The following RBMS3 variants were observed in gnomAD, a reference collection of about 807,000 sequenced individuals.
The protein encoded by RBMS3 is RNA-binding motif, single-stranded-interacting protein 3.
A neutral mutation model predicts 66.8 loss-of-function variants in RBMS3; 27 were observed. That is an observed-to-expected ratio of 0.40 (90% CI 0.30 to 0.56). The LOEUF is 0.56. RBMS3 is among the 20% of genes least tolerant of loss of function. The pLI, the probability that RBMS3 is intolerant of heterozygous loss-of-function variation, is 0.40. For synonymous variants in RBMS3, 188 were observed against 183.0 expected, an observed-to-expected ratio of 1.03 and a Z score of -0.22; for missense variants, 513 against 549.5, an observed-to-expected ratio of 0.93 and a Z score of 0.66.
At chr3:29,562,240 T>C (rs939433932) in intron 3 of RBMS3, among the ~76,000 whole-genome samples, 5 of 152,080 alleles carry the variant, frequency 3.3e-5, no homozygotes, top group Non-Finnish European at 5.9e-5. Context: ...TAAACTGATA[T>C]AAGCATGAGC....
intron 12 of RBMS3, among the ~76,000 whole-genome samples, chr3:29,984,508 T>A (rs1698230722): frequency 6.6e-6 from 1 of 152,046 alleles, no homozygotes; most frequent in Admixed American, 6.5e-5. Flanking sequence ...GTTTTTGGAA[T>A]TTTCAGCCTT....
chr3:29,508,848 C>A (rs953692683), intron 3 of RBMS3, among the ~76,000 whole-genome samples: 8 of 141,308 alleles, frequency 5.7e-5, no homozygotes, highest in African/African-American at 1.3e-4. Context: ...TCTCCACATC[C>A]TCTCCAGCAT....
chr3:29,761,403 T>C (rs536201874), intron 5 of RBMS3, among the ~76,000 whole-genome samples: 1 of 152,234 alleles, frequency 6.6e-6, no homozygotes, highest in African/African-American at 2.4e-5. Context: ...TCTCAGTTAA[T>C]TTTTAAGAAT....
chr3:29,677,956 G>A (rs1006910414), intron 4 of RBMS3, among the ~76,000 whole-genome samples: 7 of 152,254 alleles, frequency 4.6e-5, no homozygotes, highest in Admixed American at 3.3e-4. Flanking sequence ...TCTTTACAAA[G>A]TTTTTGTGAG....
At chr3:29,617,423 G>T (rs973203272) in intron 4 of RBMS3, among the ~76,000 whole-genome samples, 6 of 152,218 alleles carry the variant, frequency 3.9e-5, no homozygotes, top group African/African-American at 1.4e-4. Flanking sequence ...CTAAGCTGGG[G>T]TGATGAAAGT....
chr3:29,874,520 C>T (rs1299995638), intron 7 of RBMS3, among the ~76,000 whole-genome samples: 3 of 152,164 alleles, frequency 2.0e-5, no homozygotes, highest in African/African-American at 7.2e-5. Context: ...TCTACCAACA[C>T]TGCCAGGTTC....
intron 4 of RBMS3, among the ~76,000 whole-genome samples, chr3:29,700,531 A>G (rs546961331): frequency 6.6e-6 from 1 of 152,308 alleles, no homozygotes; most frequent in African/African-American, 2.4e-5. Context: ...ATAAATAGCA[A>G]ATTTTACTTG....
At chr3:29,473,698 C>T (rs150128355) in intron 2 of RBMS3, among the ~76,000 whole-genome samples, 16,601 of 152,256 alleles carry the variant, frequency 0.11, 1,048 homozygotes, top group Non-Finnish European at 0.13. Flanking sequence ...GCCAGTGGGC[C>T]GGCACTGCTG....
chr3:29,634,844 G>C (rs2049417582), intron 4 of RBMS3, among the ~76,000 whole-genome samples: 1 of 151,688 alleles, frequency 6.6e-6, no homozygotes, highest in Admixed American at 6.6e-5. Flanking sequence ...TCCATGTTTA[G>C]CATTTTACTC....
chr3:29,905,553 C>A lies in RBMS3; in HGVS notation c.939+5798C>A, dbSNP rs549875132. ...GCCAATATTTATCACATAATAAAAT[C>A]TTTTTATCTTTGTATCTGTTTTCCA... On this transcript the variant is annotated intron_variant, in intron 10 of 14. Coordinates refer to ENST00000383767, the MANE Select transcript of RBMS3 (RefSeq NM_001003793.3). Among the ~76,000 whole-genome samples the A allele has an allele frequency of 1.5e-3, 223 of 152,040 alleles. 3 individuals carry two copies. The highest frequency in any genetic ancestry group is 4.8e-3 in the African/African-American group (200 of 41,502).
intron 1 of RBMS3, among the ~76,000 whole-genome samples, chr3:29,315,159 A>G (rs903928700): frequency 7.2e-5 from 11 of 151,808 alleles, no homozygotes; most frequent in African/African-American, 2.7e-4. Context: ...TAACCTTAAC[A>G]TGTTTATAAG....
At chr3:29,700,850 G>C (rs1360525788) in intron 4 of RBMS3, among the ~76,000 whole-genome samples, 1 of 58,298 alleles carries the variant, frequency 1.7e-5, no homozygotes, top group East Asian at 6.8e-4. Context: ...ACACGAGGGA[G>C]ATTATAAGCA....
chr3:29,320,836 TTAAATA>T (rs1190255045), intron 1 of RBMS3, among the ~76,000 whole-genome samples: 4 of 151,988 alleles, frequency 2.6e-5, no homozygotes, highest in Admixed American at 1.3e-4. Context: ...GAAAGGTCAG[TTAAATA>T]TAATGTGTCA....
At chr3:29,401,577 A>G (rs1336123022) in intron 1 of RBMS3, among the ~76,000 whole-genome samples, 1 of 152,044 alleles carries the variant, frequency 6.6e-6, no homozygotes, top group African/African-American at 2.4e-5. Flanking sequence ...TAAGAGGAAA[A>G]GTTATAGCTA....
chr3:29,838,667 G>A (rs1424604755), intron 6 of RBMS3, among the ~76,000 whole-genome samples: 5 of 152,088 alleles, frequency 3.3e-5, no homozygotes, highest in Admixed American at 3.3e-4. Context: ...ATGGATATTT[G>A]CTAAGTCTGA....
intron 12 of RBMS3, 199 bp from the exon 13 acceptor site, chr3:29,987,944 G>T: frequency 1.9e-6 from 1 of 513,402 alleles, no homozygotes; most frequent in Non-Finnish European, 3.5e-6. Flanking sequence ...AAGAGGTAGG[G>T]CTACTGTGGG....
At chr3:29,617,420 G>A (rs1216010035) in intron 4 of RBMS3, among the ~76,000 whole-genome samples, 1 of 152,174 alleles carries the variant, frequency 6.6e-6, no homozygotes, top group African/African-American at 2.4e-5. Flanking sequence ...AAACTAAGCT[G>A]GGGTGATGAA....
intron 3 of RBMS3, among the ~76,000 whole-genome samples, chr3:29,519,038 G>C (rs1239837844): frequency 6.6e-6 from 1 of 152,124 alleles, no homozygotes; most frequent in African/African-American, 2.4e-5. Flanking sequence ...GTATTTTCGT[G>C]TTCCAAAAGA....
At chr3:29,701,791 C>T (rs1017894902) in intron 4 of RBMS3, among the ~76,000 whole-genome samples, 2 of 152,116 alleles carry the variant, frequency 1.3e-5, no homozygotes, top group South Asian at 2.1e-4. Context: ...TCTCACCGGG[C>T]CTCAGCTGTC....
Sources: allele counts gnomAD v4.1 joint callset (sites outside exome capture counted in the v4.1 genomes callset), GRCh38; gene constraint gnomAD v4.1.1; transcripts MANE v1.5; gene names NCBI Gene and HGNC (gene_info 2026-07-23, HGNC 2026-07-21).